The following MEDAG variants were observed in gnomAD, a reference collection of about 807,000 sequenced individuals.
MEDAG encodes mesenteric estrogen-dependent adipogenesis protein.
MEDAG carries 25 observed loss-of-function variants against 29.9 expected under a neutral mutation model. The observed-to-expected ratio is 0.84, with a 90% CI of 0.61 to 1.17. The LOEUF (loss-of-function observed/expected upper bound fraction) is 1.17, where lower values mean the gene tolerates loss of function less well. MEDAG is among the 50% of genes most tolerant of loss of function. MEDAG has a pLI of 0.00. For synonymous variants in MEDAG, 158 were observed against 148.2 expected, an observed-to-expected ratio of 1.07 and a Z score of -0.48; for missense variants, 398 against 372.9, an observed-to-expected ratio of 1.07 and a Z score of -0.56.
At chr13:30,916,186 G>A (rs1407726468) in intron 1 of MEDAG, 2 of 152,174 alleles carry the variant, frequency 1.3e-5, no homozygotes, top group Non-Finnish European at 2.9e-5. Flanking sequence ...CCTGCCTCAG[G>A]GTAGATATTC....
At chr13:30,909,938 C>G (rs1306074548) in intron 1 of MEDAG, among the ~76,000 whole-genome samples, 1 of 152,168 alleles carries the variant, frequency 6.6e-6, no homozygotes, top group African/African-American at 2.4e-5. Flanking sequence ...CTAAAGAAAT[C>G]CAGCATAGTG....
At chr13:30,909,741 C>T (rs1952864190) in intron 1 of MEDAG, among the ~76,000 whole-genome samples, 1 of 152,094 alleles carries the variant, frequency 6.6e-6, no homozygotes, top group African/African-American at 2.4e-5. Flanking sequence ...TTTCTGGGAC[C>T]TCATAAGTAT....
rs1566124350 is a variant in MEDAG at position 30,906,714 on chromosome 13, C to T, written c.199C>T (p.Arg67Trp). The change falls in exon 1 of 5, where the codon CGG becomes TGG. Residue 67 changes from arginine to tryptophan, a missense_variant. Physicochemically the swap from Arg to Trp is moderately radical, Grantham distance 101. Coordinates refer to ENST00000380482, the MANE Select transcript of MEDAG (RefSeq NM_032849.4). ...CAGGCCCGGGGAGCCGGCGGCGGCG[C>T]GGGGGGGCTTCAACGTCTTCGGTGA... ...VARPGEPAAA[R>W]GGFNVFGDGL... The T allele has an allele frequency of 1.3e-6, 2 of 1,515,250 alleles. No individual in the cohort carries two copies. Among genetic ancestry groups the T allele is most frequent in the Admixed American group, 2.1e-5 (1 of 47,960 alleles). The allele number at this position is 1,515,250 out of a possible 1,614,324, so 93.9% of individuals were successfully genotyped here.
chr13:30,919,859 G>A (rs920526987), intron 2 of MEDAG, among the ~76,000 whole-genome samples: 3 of 152,138 alleles, frequency 2.0e-5, no homozygotes, highest in African/African-American at 7.2e-5. Flanking sequence ...CTTGATGCGG[G>A]GGACTGGAAA....
At chr13:30,919,314 A>T (rs1275252535) in intron 2 of MEDAG, among the ~76,000 whole-genome samples, 1 of 152,256 alleles carries the variant, frequency 6.6e-6, no homozygotes, top group Non-Finnish European at 1.5e-5. Context: ...CAAATCAGAA[A>T]AAGCCACCAT....
chr13:30,913,879 T>C (rs1304706765), intron 1 of MEDAG, among the ~76,000 whole-genome samples: 1 of 152,056 alleles, frequency 6.6e-6, no homozygotes, highest in Non-Finnish European at 1.5e-5. Flanking sequence ...TTGTCTCTAC[T>C]AAAAATACAA....
Position 30,921,702 on chromosome 13 carries a change from G to A in MEDAG, c.643G>A (p.Val215Ile), listed in dbSNP as rs1566129358. ...TTGGTTTGGGCTCAGTAATTCCGTT[G>A]TAAAAGTAAATGGAAAAGTTCTGAA... The part of the protein sequence containing the change: ...FYWFGLSNSV[V>I]KVNGKVLNLS... Residue 215 changes from valine to isoleucine, a missense_variant, in exon 4 of 5, where the codon GTA becomes ATA. By Grantham distance (29) the Val-to-Ile change is conservative. Coordinates refer to ENST00000380482, the MANE Select transcript of MEDAG (RefSeq NM_032849.4). 5.0e-6 allele frequency: 8 copies of A among 1,614,052 alleles called. No individual in the cohort carries two copies. The highest frequency in any genetic ancestry group is 1.3e-5 in the African/African-American group (1 of 75,048).
At chr13:30,920,080 G>T (rs1013846205) in intron 2 of MEDAG, among the ~76,000 whole-genome samples, 1 of 152,138 alleles carries the variant, frequency 6.6e-6, no homozygotes, top group African/African-American at 2.4e-5. Flanking sequence ...GTTAGAGGTA[G>T]CAGCAGGGAG....
intron 1 of MEDAG, among the ~76,000 whole-genome samples, chr13:30,910,180 C>T (rs111835721): frequency 0.029 from 2,593 of 89,012 alleles, 33 homozygotes; most frequent in Non-Finnish European, 0.042. Context: ...CCATTAACTA[C>T]GACACACACA....
In MEDAG at chr13:30,906,510, G is replaced by A; in HGVS notation, c.-6G>A. ...AGCAGGCGGTGTGAGGACCGACGAC[G>A]CGGGCATGGCGGGGGCGGCCTGCGA... On this transcript the variant is annotated 5_prime_UTR_variant, in exon 1 of 5. Transcript: ENST00000380482. The A allele has an allele frequency of 6.6e-7, 1 of 1,507,922 alleles. No individual in the cohort carries two copies. The highest frequency in any genetic ancestry group is 8.8e-7 in the Non-Finnish European group (1 of 1,135,552). The allele number at this position is 1,507,922 out of a possible 1,614,324, so 93.4% of individuals were successfully genotyped here.
rs118182205 is a variant in MEDAG at position 30,912,970 on chromosome 13, G to A, written c.279-4433G>A. On this transcript the variant is annotated intron_variant, in intron 1 of 4. Coordinates refer to ENST00000380482, the MANE Select transcript of MEDAG (RefSeq NM_032849.4). ...AAGCATCTACTATGGGTTCAAATTC[G>A]TATGTCTACATTGCATGTACTGCAT... Among the ~76,000 whole-genome samples the A allele has an allele frequency of 6.7e-4, 102 of 152,280 alleles. No individual in the cohort carries two copies. The Middle Eastern group carries it at 0.01, about 15-fold the overall frequency.
chr13:30,914,774 G>A (rs1377375385), intron 1 of MEDAG, among the ~76,000 whole-genome samples: 1 of 152,172 alleles, frequency 6.6e-6, no homozygotes, highest in East Asian at 1.9e-4. Flanking sequence ...TGACCCATTG[G>A]ATGTCAATCA....
At chr13:30,912,820 G>A (rs1952894147) in intron 1 of MEDAG, among the ~76,000 whole-genome samples, 1 of 152,188 alleles carries the variant, frequency 6.6e-6, no homozygotes, top group South Asian at 2.1e-4. Context: ...ATCAGATGCT[G>A]ATATTTTCCT....
At position 30,906,379 on chromosome 13, in the gene MEDAG, G is replaced by C; in HGVS notation, c.-137G>C. 1 of 945,834 alleles carries C rather than the reference G, an allele frequency of 1.1e-6. No homozygotes were observed. Among genetic ancestry groups the C allele is most frequent in the African/African-American group, 1.7e-5 (1 of 58,136 alleles). The allele number at this position is 945,834 out of a possible 1,614,324, so 58.6% of individuals were successfully genotyped here. A position where few individuals can be genotyped will look rare whatever the true frequency, so the allele number is the denominator to read the frequency against. On this transcript the variant is annotated 5_prime_UTR_variant, in exon 1 of 5. Transcript: ENST00000380482. Reference sequence around the variant, plus strand: ...CGGCCACCGCGTCCCGGCCAGGCGGGCAGACCGACCCCCTCCTCACCTCGC... The same window carrying C: ...CGGCCACCGCGTCCCGGCCAGGCGGCCAGACCGACCCCCTCCTCACCTCGC...
At chr13:30,915,780 T>C (rs1296487188) in intron 1 of MEDAG, among the ~76,000 whole-genome samples, 1 of 152,060 alleles carries the variant, frequency 6.6e-6, no homozygotes, top group Non-Finnish European at 1.5e-5. Flanking sequence ...GTCTGCATTC[T>C]CTTACCTGGC....
intron 2 of MEDAG, among the ~76,000 whole-genome samples, chr13:30,918,515 C>T (rs771626443): frequency 9.9e-5 from 15 of 152,110 alleles, no homozygotes; most frequent in Non-Finnish European, 1.8e-4. Flanking sequence ...TTGTTTCTTC[C>T]AAGAAATCAG....
Position 30,921,628 on chromosome 13 carries a change from T to G in MEDAG, c.569T>G (p.Leu190Ter). The part of the protein sequence containing the change: ...PGNEVVNGEN[L>*]SFAYEFKADA... The stretch of plus-strand genomic sequence containing the variant: ...AATGAAGTGGTTAATGGAGAAAATT[T>G]AAGCTTTGCATATGAATTCAAAGCT... The change falls in exon 4 of 5, where the codon TTA becomes TGA. Residue 190 changes from leucine (L) to a stop codon, truncating the protein, a stop_gained. Coordinates refer to ENST00000380482, the MANE Select transcript of MEDAG (RefSeq NM_032849.4). LOFTEE classifies it high-confidence loss of function. The G allele has an allele frequency of 1.2e-6, 2 of 1,613,380 alleles. No individual in the cohort carries two copies. The highest frequency in any genetic ancestry group is 1.7e-6 in the Non-Finnish European group (2 of 1,179,884).
intron 1 of MEDAG, chr13:30,916,884 A>G (rs1464784730): frequency 1.3e-5 from 2 of 153,644 alleles, no homozygotes; most frequent in Non-Finnish European, 2.9e-5. Context: ...AGCGTAGGAG[A>G]GATGTGAACT....
At chr13:30,915,710 C>G (rs946800538) in intron 1 of MEDAG, among the ~76,000 whole-genome samples, 3 of 152,006 alleles carry the variant, frequency 2.0e-5, no homozygotes, top group African/African-American at 7.3e-5. Flanking sequence ...CCTGTTCTGC[C>G]CAGGTGAGGA....
Sources: gnomAD v4.1 joint callset for allele counts (sites outside exome capture counted in the v4.1 genomes callset) on GRCh38, gnomAD v4.1.1 for gene constraint, MANE v1.5 for transcripts, NCBI Gene and HGNC (gene_info 2026-07-23, HGNC 2026-07-21) for gene names.